The following SLC41A3 variants were observed in gnomAD, a reference collection of about 807,000 sequenced individuals.
SLC41A3 encodes the protein solute carrier family 41 member 3.
In SLC41A3, 44 loss-of-function variants were observed where a neutral mutation model predicts 45.4. The observed-to-expected ratio is 0.97, with a 90% CI of 0.76 to 1.25. The LOEUF is 1.25. Ranked by LOEUF, SLC41A3 falls within the 50% of genes most tolerant of loss-of-function variation. The pLI is 0.00. For synonymous variants in SLC41A3, 256 were observed against 252.4 expected (o/e 1.01, Z -0.13); for missense variants, 550 against 600.6 (o/e 0.92, Z 0.88).
In SLC41A3 at chr3:126,096,703, C is replaced by G. The variant is rs554419743; in HGVS notation, c.-79+4726G>C. Among the ~76,000 whole-genome samples, 8 of 152,356 alleles carry G rather than the reference C, an allele frequency of 5.3e-5. No homozygotes were observed. In the South Asian group the frequency reaches 1.4e-3, roughly 28 times the overall value. On this transcript the variant is annotated intron_variant, in intron 1 of 9. Transcript: ENST00000508835. ...GGGATACTTTTAGTTAATCTAATAT[C>G]TATAGAAACAATGCTAATGACTGGC...
chr3:126,016,599 G>T (rs1940307570), intron 7 of SLC41A3, 132 bp downstream of exon 7: 8 of 1,144,610 alleles, frequency 7.0e-6, no homozygotes, highest in African/African-American at 1.6e-5. Flanking sequence ...ATCAGCAATG[G>T]GAGTTACTGA....
chr3:126,083,418 TA>T (rs1349855225), intron 1 of SLC41A3, among the ~76,000 whole-genome samples: 2 of 152,194 alleles, frequency 1.3e-5, no homozygotes, highest in Non-Finnish European at 2.9e-5. Flanking sequence ...AATAAACAAA[TA>T]AATAACGGGA....
intron 3 of SLC41A3, among the ~76,000 whole-genome samples, chr3:126,037,552 C>G (rs1284188959): frequency 6.6e-6 from 1 of 152,114 alleles, no homozygotes; most frequent in Non-Finnish European, 1.5e-5. Flanking sequence ...GAAGGTTGAA[C>G]TTAGGAGTGC....
chr3:126,027,238 TA>T (rs1279344714), intron 4 of SLC41A3, among the ~76,000 whole-genome samples: 1 of 151,714 alleles, frequency 6.6e-6, no homozygotes, highest in Non-Finnish European at 1.5e-5. Context: ...TCTCATGGTT[TA>T]ACATCACCGC....
chr3:126,082,392 T>C (rs1945201055), intron 1 of SLC41A3, among the ~76,000 whole-genome samples: 1 of 152,164 alleles, frequency 6.6e-6, no homozygotes, highest in Non-Finnish European at 1.5e-5. Flanking sequence ...CAGGGGGTGA[T>C]ACAGGACAGC....
At chr3:126,083,619 G>C (rs1342540572) in intron 1 of SLC41A3, among the ~76,000 whole-genome samples, 2 of 152,036 alleles carry the variant, frequency 1.3e-5, no homozygotes, top group African/African-American at 2.4e-5. Context: ...GGGTCCCTGC[G>C]CGCGGGCGCT....
chr3:126,046,725 G>A (rs1286486475), intron 3 of SLC41A3, among the ~76,000 whole-genome samples: 1 of 150,954 alleles, frequency 6.6e-6, no homozygotes, highest in Non-Finnish European at 1.5e-5. Flanking sequence ...ACTTTGGGAG[G>A]TCGAGGTAGG....
At position 126,057,516 on chromosome 3, in the gene SLC41A3, C is replaced by T. The variant is rs149131674; in HGVS notation, c.274-6466G>A. On this transcript the variant is annotated intron_variant, in intron 2 of 10. Coordinates refer to ENST00000360370, the MANE Select transcript of SLC41A3 (RefSeq NM_017836.4). ...AGCCCGAAGCTGGGGGTCAGACTCA[C>T]ACCAGCTGAACCCAGCACTGTGGTC... 4.6e-4 allele frequency among the ~76,000 whole-genome samples: 70 copies of T among 152,330 alleles called. 1 individual carries two copies. Among genetic ancestry groups the T allele is most frequent in the Admixed American group, 7.2e-4 (11 of 15,304 alleles).
At chr3:126,035,490 A>C (rs1942120014) in intron 3 of SLC41A3, among the ~76,000 whole-genome samples, 1 of 152,228 alleles carries the variant, frequency 6.6e-6, no homozygotes, top group South Asian at 2.1e-4. Flanking sequence ...GACGCTTGTC[A>C]AAAACAGCAG....
At position 126,006,666 on chromosome 3, in the gene SLC41A3, G is replaced by A. The variant is rs986258294; in HGVS notation, c.*350C>T. The A allele has an allele frequency of 6.7e-7, 1 of 1,489,396 alleles. No individual in the cohort carries two copies. Among genetic ancestry groups the A allele is most frequent in the African/African-American group, 1.4e-5 (1 of 71,018 alleles). The allele number at this position is 1,489,396 out of a possible 1,614,324, so 92.3% of individuals were successfully genotyped here. A position where few individuals can be genotyped will look rare whatever the true frequency, so the allele number is the denominator to read the frequency against. ...CCCCAATCTGGGTTGCATGGGCATG[G>A]AAAAGAGCAAACACACCCTGCAAAG... On this transcript the variant is annotated 3_prime_UTR_variant, in exon 11 of 11. Coordinates refer to ENST00000360370, the MANE Select transcript of SLC41A3 (RefSeq NM_017836.4).
intron 2 of SLC41A3, among the ~76,000 whole-genome samples, chr3:126,052,813 C>T (rs60432018): frequency 0.096 from 14,680 of 152,178 alleles, 1,266 homozygotes; most frequent in African/African-American, 0.23. Flanking sequence ...TTCCTTCCTG[C>T]TTTCTTTTCA....
At chr3:126,030,237 TTA>T (rs1267596317) in intron 4 of SLC41A3, among the ~76,000 whole-genome samples, 3 of 145,434 alleles carry the variant, frequency 2.1e-5, no homozygotes, top group African/African-American at 7.5e-5. Flanking sequence ...ATATATTAAG[TTA>T]TATAAAACTT....
intron 1 of SLC41A3, among the ~76,000 whole-genome samples, chr3:126,082,605 TG>T (rs931989412): frequency 6.6e-6 from 1 of 152,116 alleles, no homozygotes; most frequent in African/African-American, 2.4e-5. Context: ...AGCATGGGGT[TG>T]GGGGGTATCC....
chr3:126,066,110 C>T (rs1275727449), intron 2 of SLC41A3, among the ~76,000 whole-genome samples: 3 of 152,336 alleles, frequency 2.0e-5, no homozygotes, highest in East Asian at 1.9e-4. Flanking sequence ...GACTAGTTTA[C>T]AGAGGACAGT....
At chr3:126,040,931 A>G (rs1328458192) in intron 3 of SLC41A3, among the ~76,000 whole-genome samples, 1 of 152,252 alleles carries the variant, frequency 6.6e-6, no homozygotes, top group Non-Finnish European at 1.5e-5. Flanking sequence ...AAATCTAGGG[A>G]AACAGAATCA....
chr3:126,069,416 G>C (rs1944511319), intron 1 of SLC41A3, among the ~76,000 whole-genome samples: 1 of 152,170 alleles, frequency 6.6e-6, no homozygotes, highest in African/African-American at 2.4e-5. Context: ...GGCAGAGACT[G>C]CCGTGGCCAC....
chr3:126,098,925 C>CTTTTTTTTTTTTT (rs57262035), intron 1 of SLC41A3, among the ~76,000 whole-genome samples: 386 of 109,592 alleles, frequency 3.5e-3, no homozygotes, highest in Middle Eastern at 5.0e-3. Flanking sequence ...CATGACCTGG[C>CTTTTTTTTTTTTT]TTTTTTTTTT....
At chr3:126,095,498 C>T in intron 1 of SLC41A3, 1 of 431,028 alleles carries the variant, frequency 2.3e-6, no homozygotes, top group Non-Finnish European at 4.1e-6. Flanking sequence ...ATTCCTTCAA[C>T]AAGGGCTGAC....
intron 4 of SLC41A3, among the ~76,000 whole-genome samples, chr3:126,029,751 G>A (rs1315729346): frequency 3.9e-5 from 6 of 152,068 alleles, no homozygotes; most frequent in Admixed American, 2.0e-4. Flanking sequence ...CTTTGAGAAA[G>A]GTCAAAGAGG....
Sources: gnomAD v4.1 joint callset for allele counts (sites outside exome capture counted in the v4.1 genomes callset) on GRCh38, gnomAD v4.1.1 for gene constraint, MANE v1.5 for transcripts, NCBI Gene and HGNC (gene_info 2026-07-23, HGNC 2026-07-21) for gene names.